DACH1: variants seen among roughly 807,000 people sequenced by gnomAD.
DACH1 encodes the protein dachshund homolog 1.
A neutral mutation model predicts 54.2 loss-of-function variants in DACH1; 12 were observed. That is an observed-to-expected ratio of 0.22 (90% CI 0.14 to 0.36). The LOEUF (loss-of-function observed/expected upper bound fraction) is 0.36. DACH1 is among the 10% of genes least tolerant of loss of function. The pLI is 1.00. For synonymous variants in DACH1, 386 were observed against 366.2 expected (o/e 1.05, Z -0.62); for missense variants, 805 against 929.8 (o/e 0.87, Z 1.75).
intron 2 of DACH1, among the ~76,000 whole-genome samples, chr13:71,636,593 G>GT (rs1255722531): frequency 6.7e-6 from 1 of 149,302 alleles, no homozygotes; most frequent in African/African-American, 2.5e-5. Flanking sequence ...TTTTCACTGC[G>GT]TAAAAATGGA....
At chr13:71,741,106 A>G (rs930283199) in intron 1 of DACH1, among the ~76,000 whole-genome samples, 1 of 152,162 alleles carries the variant, frequency 6.6e-6, no homozygotes, top group African/African-American at 2.4e-5. Context: ...TAACTCTACA[A>G]TGCTGTTTTT....
At chr13:71,702,781 G>GA (rs1211388918) in intron 1 of DACH1, among the ~76,000 whole-genome samples, 2 of 151,832 alleles carry the variant, frequency 1.3e-5, no homozygotes, top group African/African-American at 2.4e-5. Flanking sequence ...AAATTAGTGA[G>GA]AAAAAAATAG....
At chr13:71,775,127 CTTTTTTTTTTTTTTTT>C (rs767902341) in intron 1 of DACH1, among the ~76,000 whole-genome samples, 4 of 54,030 alleles carry the variant, frequency 7.4e-5, no homozygotes, top group South Asian at 1.0e-3. Context: ...TCAACACAAG[CTTTTTTTTTTTTTTTT>C]TTTTTTTTTT....
chr13:71,631,174 C>T (rs1877073567), intron 2 of DACH1, among the ~76,000 whole-genome samples: 1 of 152,146 alleles, frequency 6.6e-6, no homozygotes, highest in African/African-American at 2.4e-5. Flanking sequence ...CAGATGTCAC[C>T]ATTACCCATA....
At chr13:71,688,973 T>C (rs1306508226) in intron 1 of DACH1, among the ~76,000 whole-genome samples, 1 of 152,226 alleles carries the variant, frequency 6.6e-6, no homozygotes, top group Non-Finnish European at 1.5e-5. Context: ...ACTATATTAA[T>C]ATGCATTACA....
chr13:71,499,675 C>A (rs559608256), intron 6 of DACH1, among the ~76,000 whole-genome samples: 12 of 152,016 alleles, frequency 7.9e-5, no homozygotes, highest in Non-Finnish European at 1.2e-4. Flanking sequence ...AGTTCTTTCT[C>A]GTTTTATAAG....
chr13:71,577,301 G>A (rs1292226349), intron 3 of DACH1, among the ~76,000 whole-genome samples: 3 of 152,216 alleles, frequency 2.0e-5, no homozygotes, highest in Admixed American at 6.5e-5. Context: ...GGAAACATCC[G>A]CAATCCTTGA....
At chr13:71,700,995 A>T (rs997920063) in intron 1 of DACH1, among the ~76,000 whole-genome samples, 3 of 152,152 alleles carry the variant, frequency 2.0e-5, no homozygotes, top group African/African-American at 7.2e-5. Context: ...AAAACACAAA[A>T]CCAGCACTTG....
intron 1 of DACH1, among the ~76,000 whole-genome samples, chr13:71,744,370 C>T (rs1217353819): frequency 3.9e-5 from 6 of 152,160 alleles, no homozygotes; most frequent in Non-Finnish European, 8.8e-5. Context: ...TCAAGAAAGA[C>T]ATACACAAAC....
intron 2 of DACH1, among the ~76,000 whole-genome samples, chr13:71,655,958 T>C (rs1227010020): frequency 6.6e-6 from 1 of 152,166 alleles, no homozygotes; most frequent in Non-Finnish European, 1.5e-5. Flanking sequence ...ATGAAGCATA[T>C]AAAAAAGAAA....
chr13:71,476,418 T>C (rs1877527337), intron 8 of DACH1, among the ~76,000 whole-genome samples: 1 of 152,178 alleles, frequency 6.6e-6, no homozygotes, highest in Non-Finnish European at 1.5e-5. Flanking sequence ...ATACTTTTAA[T>C]TATTGTTAAT....
At chr13:71,848,935 A>T (rs1873478335) in intron 1 of DACH1, among the ~76,000 whole-genome samples, 1 of 152,172 alleles carries the variant, frequency 6.6e-6, no homozygotes, top group South Asian at 2.1e-4. Context: ...TATCTCCATT[A>T]TTCCCACTAT....
chr13:71,555,112 T>C (rs1480223465), intron 6 of DACH1, among the ~76,000 whole-genome samples: 1 of 152,178 alleles, frequency 6.6e-6, no homozygotes, highest in Non-Finnish European at 1.5e-5. Flanking sequence ...TTGTATAACA[T>C]AAATTAACTT....
intron 3 of DACH1, among the ~76,000 whole-genome samples, chr13:71,626,880 T>C (rs1223775639): frequency 6.6e-6 from 1 of 151,872 alleles, no homozygotes; most frequent in Non-Finnish European, 1.5e-5. Context: ...AACTGACAGG[T>C]CACCTTCAGA....
chr13:71,801,078 G>A (rs1332685388), intron 1 of DACH1, among the ~76,000 whole-genome samples: 1 of 104,000 alleles, frequency 9.6e-6, no homozygotes, highest in Non-Finnish European at 1.8e-5. Flanking sequence ...GCACACAGCA[G>A]TGTTTCTAGA....
At chr13:71,723,072 G>A (rs1883301253) in intron 1 of DACH1, among the ~76,000 whole-genome samples, 1 of 152,020 alleles carries the variant, frequency 6.6e-6, no homozygotes, top group Admixed American at 6.6e-5. Context: ...AGAAACCGTT[G>A]TACATTTCTC....
rs1244367501 is a variant in DACH1, at chr13:71,456,669, G to A, written c.2084-15977C>T. On this transcript the variant is annotated intron_variant, in intron 10 of 10. Transcript: ENST00000613252. ...TGCTGATTTTATCTTAAAATCCATGGTCATCTACATTGATTTCAACTGGAC... is the reference window on the plus strand; with the variant it reads ...TGCTGATTTTATCTTAAAATCCATGATCATCTACATTGATTTCAACTGGAC... 4.6e-5 allele frequency among the ~76,000 whole-genome samples: 7 copies of A among 151,986 alleles called. No individual in the cohort carries two copies. In the East Asian group the frequency reaches 1.3e-3, roughly 29 times the overall value.
chr13:71,794,477 C>T (rs1045030497), intron 1 of DACH1, among the ~76,000 whole-genome samples: 2 of 152,060 alleles, frequency 1.3e-5, no homozygotes, highest in Non-Finnish European at 2.9e-5. Context: ...CTTGCTTTGT[C>T]GCCCAGGCTG....
chr13:71,512,043 C>T (rs147942074), intron 6 of DACH1, among the ~76,000 whole-genome samples: 55 of 152,086 alleles, frequency 3.6e-4, no homozygotes, highest in South Asian at 1.2e-3. Context: ...ATGCTCAAAA[C>T]GCTTCATTTC....
Sources: gnomAD v4.1 joint callset for allele counts (sites outside exome capture counted in the v4.1 genomes callset) on GRCh38, gnomAD v4.1.1 for gene constraint, MANE v1.5 for transcripts, NCBI Gene and HGNC (gene_info 2026-07-23, HGNC 2026-07-21) for gene names.